Variants in CSMD2 observed in about 807,000 individuals in gnomAD.
CSMD2 encodes the protein CUB and sushi domain-containing protein 2.
CSMD2 carries 130 observed loss-of-function variants against 398.5 expected under a neutral mutation model. The ratio of observed to expected loss-of-function variants is 0.33; its 90% CI spans 0.28 to 0.38. The LOEUF is 0.38. Among genes scored for constraint, CSMD2 ranks in the 10% least tolerant of loss-of-function variants. The pLI, the probability that CSMD2 is intolerant of heterozygous loss-of-function variation, is 1.00. For missense variants in CSMD2, 3,829 were observed against 4,764.9 expected (o/e 0.80, Z 5.78); for synonymous variants, 1,828 against 1,908.5 (o/e 0.96, Z 1.10).
At chr1:33,648,421 T>C (rs1571080270) in intron 28 of CSMD2, among the ~76,000 whole-genome samples, 3 of 147,742 alleles carry the variant, frequency 2.0e-5, no homozygotes, top group Non-Finnish European at 3.0e-5. Flanking sequence ...GGGATCAAGA[T>C]CCTGAAACAT....
At chr1:34,120,153 A>T (rs189438955) in intron 1 of CSMD2, among the ~76,000 whole-genome samples, 4 of 152,232 alleles carry the variant, frequency 2.6e-5, no homozygotes, top group Admixed American at 2.0e-4. Context: ...ACATTATATG[A>T]AGTGCAATAA....
intron 4 of CSMD2, among the ~76,000 whole-genome samples, chr1:33,922,311 GA>G (rs759243462): frequency 3.3e-5 from 5 of 152,176 alleles, no homozygotes; most frequent in Non-Finnish European, 4.4e-5. Flanking sequence ...GAGAAGGTGG[GA>G]AGGGAGGGGC....
At chr1:34,052,064 G>A (rs1239578434) in intron 2 of CSMD2, among the ~76,000 whole-genome samples, 1 of 151,898 alleles carries the variant, frequency 6.6e-6, no homozygotes, top group African/African-American at 2.4e-5. Flanking sequence ...TGGGAACTCA[G>A]ACTGAAACTT....
At chr1:33,698,462 C>T (rs1222161669) in intron 24 of CSMD2, among the ~76,000 whole-genome samples, 1 of 152,192 alleles carries the variant, frequency 6.6e-6, no homozygotes, top group Non-Finnish European at 1.5e-5. Flanking sequence ...TCATCGCTAT[C>T]ACCCGCGTTA....
chr1:33,537,936 A>G lies in CSMD2; in HGVS notation c.9632-327T>C, dbSNP rs1655964935. 6.6e-6 allele frequency among the ~76,000 whole-genome samples: 1 copy of G among 152,212 alleles called. No individual in the cohort carries two copies. The highest frequency in any genetic ancestry group is 6.5e-5 in the Admixed American group (1 of 15,284). ...CCATTTTCACGCACATTCTTTTCCA[A>G]TCTTTGTTCAGTTGTATGGAAACTT... On this transcript the variant is annotated intron_variant, in intron 60 of 70. Coordinates refer to ENST00000373381, the MANE Select transcript of CSMD2 (RefSeq NM_001281956.2). The surrounding 1 kb of genome is among the most constrained non-coding windows in gnomAD (Gnocchi z 4.6).
At chr1:33,978,609 G>A (rs1288938012) in intron 3 of CSMD2, among the ~76,000 whole-genome samples, 1 of 152,146 alleles carries the variant, frequency 6.6e-6, no homozygotes. Flanking sequence ...ATCCAGAGAA[G>A]AGAGGGAAGA....
chr1:34,150,853 G>A (rs1242978583), intron 1 of CSMD2, among the ~76,000 whole-genome samples: 2 of 152,162 alleles, frequency 1.3e-5, no homozygotes, highest in Non-Finnish European at 2.9e-5. Context: ...CCATGAGGTC[G>A]AGGTTACATT....
intron 41 of CSMD2, among the ~76,000 whole-genome samples, chr1:33,609,295 C>T (rs1640841138): frequency 6.6e-6 from 1 of 152,204 alleles, no homozygotes; most frequent in Admixed American, 6.5e-5. Context: ...TTAAGGCTTT[C>T]CCTAAATGAG....
intron 2 of CSMD2, among the ~76,000 whole-genome samples, chr1:34,063,712 G>A (rs144317363): frequency 7.0e-4 from 107 of 152,288 alleles, no homozygotes; most frequent in Non-Finnish European, 1.9e-4. Context: ...CTACCATTCT[G>A]GGGTCTGGAA....
At chr1:33,719,450 C>T (rs535905206) in intron 19 of CSMD2, among the ~76,000 whole-genome samples, 10 of 152,286 alleles carry the variant, frequency 6.6e-5, no homozygotes, top group African/African-American at 2.2e-4. Context: ...TTCCCAGCTG[C>T]GCTGACTGCT....
chr1:33,665,148 A>G (rs1273324906), intron 25 of CSMD2, among the ~76,000 whole-genome samples: 3 of 152,104 alleles, frequency 2.0e-5, no homozygotes, highest in Non-Finnish European at 4.4e-5. Context: ...AAACTTTTGA[A>G]ATTCTACTTA....
chr1:33,827,540 A>G (rs1658970160), intron 6 of CSMD2, among the ~76,000 whole-genome samples: 1 of 152,136 alleles, frequency 6.6e-6, no homozygotes, highest in Non-Finnish European at 1.5e-5. Context: ...CTGCAACCCC[A>G]GCTCTCCCTG....
intron 56 of CSMD2, among the ~76,000 whole-genome samples, chr1:33,547,380 A>G (rs1036291549): frequency 2.0e-5 from 3 of 152,254 alleles, no homozygotes; most frequent in Admixed American, 6.5e-5. Flanking sequence ...CAATTACCGA[A>G]TAAATGACAA....
intron 2 of CSMD2, among the ~76,000 whole-genome samples, chr1:34,032,977 T>C (rs1240869571): frequency 6.6e-6 from 1 of 152,238 alleles, no homozygotes; most frequent in Non-Finnish European, 1.5e-5. Context: ...CTTTTCTGAT[T>C]TCTTTTCCTG....
At chr1:33,795,953 G>A (rs767571689) in intron 10 of CSMD2, among the ~76,000 whole-genome samples, 27 of 152,266 alleles carry the variant, frequency 1.8e-4, no homozygotes, top group Non-Finnish European at 2.6e-4. Flanking sequence ...AACTTTTTCT[G>A]TAAAGGGACA....
chr1:33,580,895 T>C lies in CSMD2; in HGVS notation c.7245A>G (p.Pro2415=), dbSNP rs1315743966. ...QYDEFEIFDG[P]SGQSPLLKAL... ...CTTTCAGCAGAGGACTCTGTCCTGA[T>C]GGACCTGGGGTGAGAAGGACGCAGG... is the stretch of plus-strand genomic sequence containing the variant. The change falls in exon 48 of 71, where the codon CCA becomes CCG. Residue 2415 remains proline, a synonymous_variant. Coordinates refer to ENST00000373381, the MANE Select transcript of CSMD2 (RefSeq NM_001281956.2). The C allele has an allele frequency of 9.3e-6, 15 of 1,613,962 alleles. No homozygotes were observed. The highest frequency in any genetic ancestry group is 1.3e-5 in the Non-Finnish European group (15 of 1,179,996).
At chr1:33,968,533 A>C (rs1645642117) in intron 3 of CSMD2, among the ~76,000 whole-genome samples, 1 of 152,230 alleles carries the variant, frequency 6.6e-6, no homozygotes, top group African/African-American at 2.4e-5. Context: ...TTGATCAAGG[A>C]AGGGTCCATG....
intron 3 of CSMD2, among the ~76,000 whole-genome samples, chr1:34,021,859 A>T (rs1428539263): frequency 6.6e-6 from 1 of 152,250 alleles, no homozygotes; most frequent in African/African-American, 2.4e-5. Context: ...AGGAGCAATT[A>T]AGCAGTTACC....
chr1:33,595,813 T>C (rs1639799862), intron 44 of CSMD2, among the ~76,000 whole-genome samples: 1 of 152,232 alleles, frequency 6.6e-6, no homozygotes, highest in South Asian at 2.1e-4. Flanking sequence ...CCCTGGTCCA[T>C]TTTAGTGGAA....
Sources: allele counts gnomAD v4.1 joint callset (sites outside exome capture counted in the v4.1 genomes callset), GRCh38; gene constraint gnomAD v4.1.1; non-coding constraint Gnocchi (gnomAD v3.1); transcripts MANE v1.5; gene names NCBI Gene and HGNC (gene_info 2026-07-23, HGNC 2026-07-21).